The following CENPT variants were observed in gnomAD, a reference collection of about 807,000 sequenced individuals.
CENPT encodes centromere protein T.
A neutral mutation model predicts 59.7 loss-of-function variants in CENPT; 42 were observed. That is an observed-to-expected ratio of 0.70 (90% CI 0.55 to 0.91). CENPT has a LOEUF of 0.91. CENPT is among the 40% of genes least tolerant of loss of function. CENPT has a pLI of 0.00. For synonymous variants in CENPT, 295 were observed against 289.6 expected (o/e 1.02, Z -0.19); for missense variants, 716 against 713.4 (o/e 1.00, Z -0.04).
At chr16:67,834,920 C>T (rs1373974101) in intron 3 of CENPT, among the ~76,000 whole-genome samples, 5 of 152,188 alleles carry the variant, frequency 3.3e-5, no homozygotes, top group African/African-American at 1.2e-4. Flanking sequence ...CGGCTCACCG[C>T]AACCTCCACC....
In CENPT at chr16:67,842,940, AG is replaced by A. The variant is rs760351445; in HGVS notation, c.-492+4460del. ...CAGCAACAGCAGCAGCAGCAGCAGC[AG>A]CAGCAGCAGTCCTCACCCTCTGCCT... On this transcript the variant is annotated intron_variant, in intron 1 of 15. Transcript: ENST00000562787. The surrounding 1 kb of genome is among the most constrained non-coding windows in gnomAD (Gnocchi z 4.9). The A allele has an allele frequency of 4.3e-6, 7 of 1,610,144 alleles. No homozygotes were observed. In the African/African-American group the frequency reaches 6.7e-5, roughly 15 times the overall value.
chr16:67,832,551 T>G lies in CENPT; in HGVS notation c.111-6A>C, dbSNP rs1270914226. 1.2e-5 allele frequency: 19 copies of G among 1,612,204 alleles called. No individual in the cohort carries two copies. Among genetic ancestry groups the G allele is most frequent in the Non-Finnish European group, 1.5e-5 (18 of 1,178,532 alleles). On this transcript the variant is annotated splice_polypyrimidine_tract_variant and splice_region_variant and intron_variant, in intron 4 of 15. Transcript: ENST00000562787. ...CAAGCAGGGCTCTCCGGGCTCTGTG[T>G]AAAGACCAGCAATTATGCCGAGAAT...
At position 67,842,935 on chromosome 16, in the gene CENPT, G is replaced by GCAA. The variant is rs1555494468; in HGVS notation, c.-492+4465_-492+4466insTTG. 4.4e-6 allele frequency: 7 copies of GCAA among 1,607,156 alleles called. No homozygotes were observed. The South Asian group carries it at 4.4e-5, about 10-fold the overall frequency. On this transcript the variant is annotated intron_variant, in intron 1 of 15. Transcript: ENST00000562787. This position sits in a 1 kb window ranked among gnomAD's most constrained non-coding sequence, Gnocchi z 4.9. ...AGCAGCAGCAACAGCAGCAGCAGCAGCAGCAGCAGCAGCAGTCCTCACCCT... is the reference window on the plus strand; with the variant it reads ...AGCAGCAGCAACAGCAGCAGCAGCAGCAACAGCAGCAGCAGCAGTCCTCACCCT...
chr16:67,834,406 G>C (rs1036802148), intron 3 of CENPT, among the ~76,000 whole-genome samples: 1 of 152,084 alleles, frequency 6.6e-6, no homozygotes, highest in South Asian at 2.1e-4. Flanking sequence ...TCAGGAGTTC[G>C]AGAGCAGCCT....
At position 67,833,969 on chromosome 16, in the gene CENPT, G is replaced by GT. The variant is rs1457116835; in HGVS notation, c.-111dup. The GT allele has an allele frequency of 2.3e-5, 16 of 697,378 alleles. No homozygotes were observed. In the African/African-American group the frequency reaches 2.8e-4, roughly 12 times the overall value. 43.2% of individuals were successfully genotyped at this position (697,378 alleles called of 1,614,324 possible). ...GCTCCCGCACAGCCCCACGGGAATT[G>GT]TAGTTCTCGCACTATCGCAGCTCGC... On this transcript the variant is annotated 5_prime_UTR_variant, in exon 4 of 16. Transcript: ENST00000562787.
At position 67,830,266 on chromosome 16, in the gene CENPT, A is replaced by C. The variant is rs137954697; in HGVS notation, c.862+124T>G. ...GGCCCAACATGGACTCTGCTCTTGG[A>C]TGAAGGAGGCAGCCACAGCCAGGGT... On this transcript the variant is annotated intron_variant, in intron 11 of 15. Coordinates refer to ENST00000562787, the MANE Select transcript of CENPT (RefSeq NM_025082.4). 17 of 1,315,388 alleles carry C rather than the reference A, an allele frequency of 1.3e-5. 1 individual carries two copies. In the African/African-American group the frequency reaches 2.2e-4, roughly 17 times the overall value. 81.5% of individuals were successfully genotyped at this position (1,315,388 alleles called of 1,614,324 possible).
chr16:67,838,911 T>G (rs1009354516), intron 1 of CENPT, among the ~76,000 whole-genome samples: 7 of 145,444 alleles, frequency 4.8e-5, no homozygotes, highest in Admixed American at 4.2e-4. Context: ...CTGGCCACAG[T>G]GTGAGTGCAA....
Position 67,829,972 on chromosome 16 carries a change from G to T in CENPT, c.979C>A (p.His327Asn). The change falls in exon 12 of 16, where the codon CAC becomes AAC. Residue 327 changes from histidine to asparagine, a missense_variant. His to Asn is a moderately conservative substitution (Grantham distance 68). Transcript: ENST00000562787. ...TTCTCTGCCTCTTCAACTCCATCGT[G>T]TAAGGGCTCTACTTCATCTTCTCCA... The part of the protein sequence containing the change: ...VSGEDEVEPL[H>N]DGVEEAEKKM... The T allele has an allele frequency of 6.2e-7, 1 of 1,614,186 alleles. No individual in the cohort carries two copies. The highest frequency in any genetic ancestry group is 1.7e-5 in the Admixed American group (1 of 60,020).
In CENPT at chr16:67,843,664, G is replaced by C; in HGVS notation, c.-492+3737C>G. 3 of 680,788 alleles carry C rather than the reference G, an allele frequency of 4.4e-6. No homozygotes were observed. Among genetic ancestry groups the C allele is most frequent in the Non-Finnish European group, 7.4e-6 (3 of 407,404 alleles). The allele number at this position is 680,788 out of a possible 1,614,324, so 42.2% of individuals were successfully genotyped here. On this transcript the variant is annotated intron_variant, in intron 1 of 15. Coordinates refer to ENST00000562787, the MANE Select transcript of CENPT (RefSeq NM_025082.4). This position sits in a 1 kb window ranked among gnomAD's most constrained non-coding sequence, Gnocchi z 5.7. ...CTGGCATCCTCAATTGTTTCCTCCT[G>C]AAGTGGAAGCTGGGGCCTTAGACTC...
At position 67,828,769 on chromosome 16, in the gene CENPT, C is replaced by T. The variant is rs779497731; in HGVS notation, c.1355G>A (p.Arg452Gln). The T allele has an allele frequency of 2.3e-5, 37 of 1,610,388 alleles. 1 individual carries two copies. Among genetic ancestry groups the T allele is most frequent in the South Asian group, 1.0e-4 (9 of 90,418 alleles). ...PRPRTTGPRP[R>Q]QDPHKAGLSH... ...CAGTCCAGCCTTGTGGGGATCTTGC[C>T]GGGGCCTGGGGCCGGTGGTCCGGGG... The change falls in exon 14 of 16, where the codon CGG (arginine) becomes CAG (glutamine). Residue 452 changes from arginine (R) to glutamine (Q), a missense_variant. Arg to Gln is a conservative substitution (Grantham distance 43). Coordinates refer to ENST00000562787, the MANE Select transcript of CENPT (RefSeq NM_025082.4).
rs1169395329 is a variant in CENPT at position 67,829,985 on chromosome 16, TTCA to T, written c.963_965del (p.Asp321del). ...CAACTCCATCGTGTAAGGGCTCTAC[TTCA>T]TCTTCTCCAGAGACACCACTGCTGG... On this transcript the variant is annotated inframe_deletion, in exon 12 of 16. Transcript: ENST00000562787. 5.6e-6 allele frequency: 9 copies of T among 1,614,110 alleles called. No individual in the cohort carries two copies. In the African/African-American group the frequency reaches 1.2e-4, roughly 22 times the overall value.
At position 67,843,768 on chromosome 16, in the gene CENPT, G is replaced by A. The variant is rs2057780623; in HGVS notation, c.-492+3633C>T. ...TGTTGCAGATTCTGGTTAAGCAGAG[G>A]CTTCAGAACCACTGAACTTGAAACT... On this transcript the variant is annotated intron_variant, in intron 1 of 15. Coordinates refer to ENST00000562787, the MANE Select transcript of CENPT (RefSeq NM_025082.4). This position sits in a 1 kb window ranked among gnomAD's most constrained non-coding sequence, Gnocchi z 5.7. The A allele has an allele frequency of 1.1e-5, 5 of 444,060 alleles. No homozygotes were observed. Among genetic ancestry groups the A allele is most frequent in the Non-Finnish European group, 2.1e-5 (5 of 239,164 alleles). The allele number at this position is 444,060 out of a possible 1,614,324, so 27.5% of individuals were successfully genotyped here.
intron 1 of CENPT, among the ~76,000 whole-genome samples, chr16:67,840,925 C>T (rs1461282110): frequency 6.7e-6 from 1 of 149,764 alleles, no homozygotes; most frequent in African/African-American, 2.5e-5. Context: ...TTTGGGAGGC[C>T]GAGGCGAGCA....
intron 13 of CENPT, chr16:67,829,120 G>A (rs2057649624): frequency 1.2e-5 from 6 of 517,708 alleles, no homozygotes; most frequent in Admixed American, 3.8e-5. Flanking sequence ...CCAGGCCTTA[G>A]AATGGATAGT....
Position 67,832,280 on chromosome 16 carries a change from C to T in CENPT, c.237G>A (p.Gly79=), listed in dbSNP as rs771940819. 1 of 1,614,198 alleles carries T rather than the reference C, an allele frequency of 6.2e-7. No individual in the cohort carries two copies. Among genetic ancestry groups the T allele is most frequent in the Non-Finnish European group, 8.5e-7 (1 of 1,180,026 alleles). The part of the protein sequence containing the change: ...VGRSAHIQAS[G]HLEEQTPRTL... ...TCCGAGGTGTCTGTTCCTCCAAGTG[C>T]CCACTGGCCTGAATATGGGCCGATC... The change falls in exon 6 of 16, where the codon GGG becomes GGA. Residue 79 remains glycine (G), a synonymous_variant. Transcript: ENST00000562787.
chr16:67,832,483 A>G lies in CENPT; in HGVS notation c.173T>C (p.Ile58Thr). 6.2e-7 allele frequency: 1 copy of G among 1,614,172 alleles called. No homozygotes were observed. Residue 58 changes from isoleucine to threonine, a missense_variant, in exon 5 of 16, where the codon ATA becomes ACA. Transcript: ENST00000562787. ...PRKLSGQTRT[I>T]ARGRSHGARS... ...GGCTCCATGGGAACGCCCTCTGGCTATCGTCCTTGTTTGGCCACTCAACTT... is the reference window on the plus strand; with the variant it reads ...GGCTCCATGGGAACGCCCTCTGGCTGTCGTCCTTGTTTGGCCACTCAACTT...
At chr16:67,836,047 G>GTTTTGT (rs1397422746) in intron 1 of CENPT, among the ~76,000 whole-genome samples, 5 of 146,776 alleles carry the variant, frequency 3.4e-5, no homozygotes, top group Admixed American at 6.8e-5. Context: ...CTGGTCTGCA[G>GTTTTGT]TTTTGTTTTT....
chr16:67,838,861 A>C (rs2057746097), intron 1 of CENPT, among the ~76,000 whole-genome samples: 1 of 151,198 alleles, frequency 6.6e-6, no homozygotes, highest in African/African-American at 2.4e-5. Flanking sequence ...CGGGAGGCAG[A>C]GATTACAGTG....
chr16:67,836,853 T>A (rs1419823171), intron 1 of CENPT, among the ~76,000 whole-genome samples: 1 of 152,080 alleles, frequency 6.6e-6, no homozygotes, highest in African/African-American at 2.4e-5. Flanking sequence ...GCCATTCTCC[T>A]GCCTCAGCCT....
Sources: gnomAD v4.1 joint callset for allele counts (sites outside exome capture counted in the v4.1 genomes callset) on GRCh38, gnomAD v4.1.1 for gene constraint, Gnocchi (gnomAD v3.1) non-coding constraint, MANE v1.5 for transcripts, NCBI Gene and HGNC (gene_info 2026-07-23, HGNC 2026-07-21) for gene names.